The following CHRNA7 variants were observed in gnomAD, a reference collection of about 807,000 sequenced individuals.
The protein encoded by CHRNA7 is cholinergic receptor nicotinic alpha 7 subunit, also known as neuronal acetylcholine receptor subunit alpha-7.
CHRNA7 carries 17 observed loss-of-function variants against 48.0 expected under a neutral mutation model. The observed-to-expected ratio is 0.35, with a 90% CI of 0.24 to 0.53. The LOEUF (loss-of-function observed/expected upper bound fraction) is 0.53, where lower values mean the gene tolerates loss of function less well. Ranked by LOEUF, CHRNA7 falls within the 20% of genes least tolerant of loss-of-function variation. The probability of loss-of-function intolerance (pLI) is 0.92; values close to 1 mark genes in which losing one functional copy is unlikely to be tolerated. For synonymous variants in CHRNA7, 75 were observed against 242.3 expected, an observed-to-expected ratio of 0.31 and a Z score of 6.41; for missense variants, 155 against 577.7, an observed-to-expected ratio of 0.27 and a Z score of 7.50.
intron 4 of CHRNA7, among the ~76,000 whole-genome samples, chr15:32,125,037 G>A (rs978821835): frequency 6.6e-5 from 10 of 152,170 alleles, no homozygotes; most frequent in African/African-American, 1.9e-4. Context: ...TTCAACTGCC[G>A]GGTGGATGCC....
At chr15:32,152,037 C>T (rs953680402) in intron 4 of CHRNA7, among the ~76,000 whole-genome samples, 15 of 152,234 alleles carry the variant, frequency 9.9e-5, no homozygotes, top group Middle Eastern at 6.8e-3. Flanking sequence ...TTTTCTTTAC[C>T]AGTAGGGCTG....
chr15:32,154,815 A>G (rs2051702308), intron 5 of CHRNA7, among the ~76,000 whole-genome samples: 3 of 137,912 alleles, frequency 2.2e-5, no homozygotes, highest in South Asian at 4.7e-4. Flanking sequence ...ACTCACAACC[A>G]CTCACACACA....
chr15:32,117,660 C>G (rs1332185637), intron 4 of CHRNA7, among the ~76,000 whole-genome samples: 1 of 152,084 alleles, frequency 6.6e-6, no homozygotes, highest in Admixed American at 6.5e-5. Flanking sequence ...TAAAGAAGAG[C>G]CCAAGCCTGC....
At chr15:32,036,564 C>G (rs995658613) in intron 2 of CHRNA7, among the ~76,000 whole-genome samples, 9 of 152,152 alleles carry the variant, frequency 5.9e-5, no homozygotes, top group African/African-American at 2.2e-4. Flanking sequence ...TGAATGAGAG[C>G]CCCTGTTGCC....
chr15:32,057,397 T>A (rs578233305), intron 2 of CHRNA7, among the ~76,000 whole-genome samples: 6 of 152,288 alleles, frequency 3.9e-5, no homozygotes, highest in South Asian at 2.1e-4. Context: ...AAGAAAAAAA[T>A]TTCCCTAAGT....
At chr15:32,146,683 TA>T (rs2051495423) in intron 4 of CHRNA7, among the ~76,000 whole-genome samples, 1 of 152,198 alleles carries the variant, frequency 6.6e-6, no homozygotes, top group Non-Finnish European at 1.5e-5. Flanking sequence ...AAGAACAACA[TA>T]AATGTTGAGT....
intron 2 of CHRNA7, among the ~76,000 whole-genome samples, chr15:32,041,530 TG>T (rs888719511): frequency 2.6e-5 from 4 of 152,376 alleles, no homozygotes; most frequent in Admixed American, 6.5e-5. Context: ...CCTCACCTCC[TG>T]GTGTGTGGCC....
chr15:32,149,873 C>CT lies in CHRNA7; in HGVS notation c.351-4023dup, dbSNP rs1371158951. Among the ~76,000 whole-genome samples the CT allele has an allele frequency of 0.015, 2,213 of 146,650 alleles. 46 individuals carry two copies. Among genetic ancestry groups the CT allele is most frequent in the African/African-American group, 0.046 (1,853 of 40,158 alleles). ...TGCTTGAAAGAAAGGCTTGTAGGAA[C>CT]TTTTTTTTTTTCAGAGTTGAATCAC... is the stretch of plus-strand genomic sequence containing the variant. On this transcript the variant is annotated intron_variant, in intron 4 of 9. Coordinates refer to ENST00000306901, the MANE Select transcript of CHRNA7 (RefSeq NM_000746.6). The surrounding 1 kb of genome is among the most constrained non-coding windows in gnomAD (Gnocchi z 4.6).
chr15:32,169,052 A>C lies in CHRNA7; in HGVS notation c.*594A>C. ...TACATTAAAAAAAAAAAAAAAAGAC[A>C]GACTGTTGGTCTTACTAAGGATGTT... On this transcript the variant is annotated 3_prime_UTR_variant, in exon 10 of 10. Transcript: ENST00000306901. 1 of 143,834 alleles carries C rather than the reference A, an allele frequency of 7.0e-6. No individual in the cohort carries two copies. The allele number at this position is 143,834 out of a possible 1,614,324, so 8.9% of individuals were successfully genotyped here. A position where few individuals can be genotyped will look rare whatever the true frequency, so the allele number is the denominator to read the frequency against.
Position 32,149,045 on chromosome 15 carries a change from C to G in CHRNA7, c.351-4862C>G, listed in dbSNP as rs1407530747. 1.3e-5 allele frequency among the ~76,000 whole-genome samples: 2 copies of G among 152,156 alleles called. No homozygotes were observed. The highest frequency in any genetic ancestry group is 3.9e-4 in the East Asian group (2 of 5,192). ...GTAGGGCTCAGAGCTCTCCTCACAC[C>G]AAGAGTGGGCCCCAGTCATTGCTGG... On this transcript the variant is annotated intron_variant, in intron 4 of 9. Transcript: ENST00000306901. The surrounding 1 kb of genome is among the most constrained non-coding windows in gnomAD (Gnocchi z 4.6).
rs770689098 is a variant in CHRNA7 at position 32,037,450 on chromosome 15, G to A, written c.195+6413G>A. Among the ~76,000 whole-genome samples the A allele has an allele frequency of 3.3e-5, 5 of 152,054 alleles. No individual in the cohort carries two copies. The South Asian group carries it at 6.2e-4, about 19-fold the overall frequency. ...CTATAAACTTTATAATTGCTTTATC[G>A]ATACCCACAAAATAACCTTCTGGGA... On this transcript the variant is annotated intron_variant, in intron 2 of 9. Coordinates refer to ENST00000306901, the MANE Select transcript of CHRNA7 (RefSeq NM_000746.6).
At position 32,111,859 on chromosome 15, in the gene CHRNA7, G is replaced by T; in HGVS notation, c.310G>T (p.Asp104Tyr). The T allele has an allele frequency of 6.2e-7, 1 of 1,613,672 alleles. No individual in the cohort carries two copies. The highest frequency in any genetic ancestry group is 8.5e-7 in the Non-Finnish European group (1 of 1,179,528). Reference sequence around the variant, plus strand: ...AGGGGTGAAGACTGTTCGTTTCCCAGATGGCCAGATTTGGAAACCAGACAT... The same window carrying T: ...AGGGGTGAAGACTGTTCGTTTCCCATATGGCCAGATTTGGAAACCAGACAT... ...YPGVKTVRFP[D>Y]GQIWKPDILL... is the part of the protein sequence containing the mutation. The change falls in exon 4 of 10, where the codon GAT becomes TAT. Residue 104 changes from aspartate (D) to tyrosine (Y), a missense_variant. Coordinates refer to ENST00000306901, the MANE Select transcript of CHRNA7 (RefSeq NM_000746.6).
intron 4 of CHRNA7, among the ~76,000 whole-genome samples, chr15:32,114,374 G>C (rs1292773526): frequency 2.0e-5 from 3 of 152,016 alleles, no homozygotes; most frequent in Non-Finnish European, 4.4e-5. Flanking sequence ...TGTTACCAGG[G>C]TCCAGGCCCT....
chr15:32,152,459 G>A (rs939686808), intron 4 of CHRNA7, among the ~76,000 whole-genome samples: 8 of 152,140 alleles, frequency 5.3e-5, no homozygotes, highest in African/African-American at 1.7e-4. Flanking sequence ...AAAGGGAAGC[G>A]TAGCACATGC....
At chr15:32,051,742 T>C (rs1453484679) in intron 2 of CHRNA7, among the ~76,000 whole-genome samples, 2 of 152,218 alleles carry the variant, frequency 1.3e-5, no homozygotes, top group African/African-American at 4.8e-5. Context: ...TCTTCTGCAT[T>C]GCTCAGGCTG....
At chr15:32,054,608 A>G (rs147333643) in intron 2 of CHRNA7, among the ~76,000 whole-genome samples, 1 of 152,316 alleles carries the variant, frequency 6.6e-6, no homozygotes, top group African/African-American at 2.4e-5. Flanking sequence ...TACTTCAAAC[A>G]CCAAAGTCTA....
intron 4 of CHRNA7, among the ~76,000 whole-genome samples, chr15:32,129,130 TTATA>T (rs1318648113): frequency 6.6e-6 from 1 of 151,964 alleles, no homozygotes; most frequent in Non-Finnish European, 1.5e-5. Context: ...GTGTAATTCC[TTATA>T]TATACTGCTA....
chr15:32,044,595 G>A (rs1441253403), intron 2 of CHRNA7, among the ~76,000 whole-genome samples: 1 of 152,130 alleles, frequency 6.6e-6, no homozygotes, highest in African/African-American at 2.4e-5. Context: ...CTTTAGATAT[G>A]GCTTCTGCTC....
chr15:32,108,956 G>A lies in CHRNA7; in HGVS notation c.241-2834G>A, dbSNP rs146362681. On this transcript the variant is annotated intron_variant, in intron 3 of 9. Coordinates refer to ENST00000306901, the MANE Select transcript of CHRNA7 (RefSeq NM_000746.6). Reference sequence around the variant, plus strand: ...GTGCAAACCCAGGTCTGTCTGATGCGGATGCTTTTGGCAGCTCCCCCTACC... The same window carrying A: ...GTGCAAACCCAGGTCTGTCTGATGCAGATGCTTTTGGCAGCTCCCCCTACC... Among the ~76,000 whole-genome samples, 149 of 152,224 alleles carry A rather than the reference G, an allele frequency of 9.8e-4. 1 individual carries two copies. The highest frequency in any genetic ancestry group is 3.4e-3 in the African/African-American group (142 of 41,520).
Sources: gnomAD v4.1 joint callset for allele counts (sites outside exome capture counted in the v4.1 genomes callset) on GRCh38, gnomAD v4.1.1 for gene constraint, Gnocchi (gnomAD v3.1) non-coding constraint, MANE v1.5 for transcripts, NCBI Gene and HGNC (gene_info 2026-07-23, HGNC 2026-07-21) for gene names.